Variants in BSCL2 observed in about 807,000 individuals in gnomAD.
BSCL2 encodes the protein seipin.
BSCL2 carries 41 observed loss-of-function variants against 57.4 expected under a neutral mutation model. The ratio of observed to expected loss-of-function variants is 0.71; its 90% CI spans 0.56 to 0.93. The LOEUF is 0.93. Among genes scored for constraint, BSCL2 ranks in the 40% least tolerant of loss-of-function variants. The pLI is 0.00. For synonymous variants in BSCL2, 237 were observed against 227.3 expected (o/e 1.04, Z -0.38); for missense variants, 539 against 586.7 (o/e 0.92, Z 0.84).
At chr11:62,709,088 C>G, upstream of BSCL2, 2 of 480,046 alleles carry the variant, frequency 4.2e-6, no homozygotes, top group Non-Finnish European at 8.0e-6. Flanking sequence ...GCCCGCTTCC[C>G]TCGGTGACCT....
At chr11:62,704,369 TAAAAA>T (rs71056549) in intron 2 of BSCL2, among the ~76,000 whole-genome samples, 1 of 81,746 alleles carries the variant, frequency 1.2e-5, no homozygotes, top group Non-Finnish European at 2.3e-5. Flanking sequence ...CCATCTCTAC[TAAAAA>T]AAAAAAAAAA....
In BSCL2 at chr11:62,700,688, C is replaced by T. The variant is rs570639606; in HGVS notation, c.486+1780G>A. ...AAACTTCAGGCTGGGTGTGGTTGCT[C>T]ACGCATGTAATCCCAGCACTTTTGG... On this transcript the variant is annotated intron_variant, in intron 3 of 10. Coordinates refer to ENST00000360796, the MANE Select transcript of BSCL2 (RefSeq NM_001122955.4). Among the ~76,000 whole-genome samples, 7 of 152,212 alleles carry T rather than the reference C, an allele frequency of 4.6e-5. No individual in the cohort carries two copies. The South Asian group carries it at 8.3e-4, about 18-fold the overall frequency.
chr11:62,693,395 T>C (rs546147364), intron 4 of BSCL2, among the ~76,000 whole-genome samples: 2 of 152,004 alleles, frequency 1.3e-5, no homozygotes, highest in East Asian at 3.9e-4. Context: ...TCCCAGCTAC[T>C]TGAGAGGCTG....
intron 3 of BSCL2, among the ~76,000 whole-genome samples, chr11:62,701,846 A>G (rs1425419268): frequency 1.3e-5 from 2 of 151,294 alleles, no homozygotes; most frequent in African/African-American, 4.9e-5. Context: ...AAAAAAAAAA[A>G]GAAAGAGAGT....
intron 2 of BSCL2, among the ~76,000 whole-genome samples, chr11:62,703,647 G>A (rs541829131): frequency 1.3e-5 from 2 of 151,024 alleles, no homozygotes; most frequent in African/African-American, 2.4e-5. Flanking sequence ...CACCGCGCCC[G>A]GCCGTATATA....
intron 6 of BSCL2, among the ~76,000 whole-genome samples, chr11:62,691,854 T>C (rs1037770283): frequency 7.9e-5 from 12 of 151,976 alleles, no homozygotes; most frequent in African/African-American, 2.9e-4. Flanking sequence ...ATTGAGACCA[T>C]CCTGGCTAAC....
intron 1 of BSCL2, 118 bp downstream of exon 1, chr11:62,706,991 G>A: frequency 1.1e-6 from 1 of 881,784 alleles, no homozygotes; most frequent in Admixed American, 2.3e-5. Context: ...GCGGGCGTGG[G>A]AAGTAATCTA....
At chr11:62,692,966 G>C (rs749537438) in intron 4 of BSCL2, among the ~76,000 whole-genome samples, 169 bp from the exon 5 acceptor site, 52 of 151,936 alleles carry the variant, frequency 3.4e-4, no homozygotes, top group Non-Finnish European at 1.0e-4. Context: ...CATTCCAATT[G>C]CTTGAGTACC....
At chr11:62,701,944 T>TAAGAA (rs1945656166) in intron 3 of BSCL2, among the ~76,000 whole-genome samples, 2 of 152,166 alleles carry the variant, frequency 1.3e-5, no homozygotes, top group Non-Finnish European at 2.9e-5. Context: ...GAAAAATTCT[T>TAAGAA]AAGTTGAATT....
chr11:62,700,638 T>G (rs1288748177), intron 3 of BSCL2, among the ~76,000 whole-genome samples: 1 of 151,344 alleles, frequency 6.6e-6, no homozygotes, highest in Admixed American at 6.6e-5. Context: ...AGAAACTCCG[T>G]CTCAAATAAA....
chr11:62,708,311 C>T (rs765855751), upstream of BSCL2: 1 of 1,611,840 alleles, frequency 6.2e-7, no homozygotes, highest in Non-Finnish European at 8.5e-7. Flanking sequence ...AGGTGAGACC[C>T]CGGTGAACAG....
At position 62,694,567 on chromosome 11, in the gene BSCL2, C is replaced by G; in HGVS notation, c.630+1G>C. ...TTCTCAGACAGGCCACCAACACTTA[C>G]CGAACGCGAAGAAGTGGAGATGATT... On this transcript the variant is annotated splice_donor_variant, in intron 4 of 10. Coordinates refer to ENST00000360796, the MANE Select transcript of BSCL2 (RefSeq NM_001122955.4). LOFTEE classifies it high-confidence loss of function. The G allele has an allele frequency of 6.2e-7, 1 of 1,613,950 alleles. No individual in the cohort carries two copies. Among genetic ancestry groups the G allele is most frequent in the Non-Finnish European group, 8.5e-7 (1 of 1,179,984 alleles).
chr11:62,703,346 CG>C (rs1222459101), intron 2 of BSCL2, among the ~76,000 whole-genome samples: 130 of 125,164 alleles, frequency 1.0e-3, no homozygotes, highest in Middle Eastern at 4.1e-3. Flanking sequence ...CATGCATATA[CG>C]TTTTTTTTTT....
intron 2 of BSCL2, among the ~76,000 whole-genome samples, chr11:62,704,178 G>A (rs1008983919): frequency 2.3e-4 from 35 of 150,994 alleles, no homozygotes; most frequent in African/African-American, 8.0e-4. Context: ...GGGGCACAGT[G>A]GCTCACGTCT....
intron 3 of BSCL2, among the ~76,000 whole-genome samples, chr11:62,701,059 T>G (rs776504674): frequency 8.1e-6 from 1 of 123,980 alleles, no homozygotes; most frequent in Non-Finnish European, 1.8e-5. Flanking sequence ...TTTGTTGACA[T>G]CACACTGGCA....
upstream of BSCL2, chr11:62,707,526 T>C (rs1192653411): frequency 9.7e-6 from 6 of 615,464 alleles, no homozygotes; most frequent in African/African-American, 9.2e-5. Context: ...CTCAGCTCTG[T>C]TGGGGAGGTC....
upstream of BSCL2, chr11:62,708,415 C>T (rs1241716406): frequency 1.3e-6 from 2 of 1,545,096 alleles, no homozygotes; most frequent in Admixed American, 3.3e-5. Flanking sequence ...CCCTGGCTGG[C>T]TCCCATTAGT....
At chr11:62,706,616 C>T in intron 1 of BSCL2, 1 of 471,502 alleles carries the variant, frequency 2.1e-6, no homozygotes, top group Non-Finnish European at 4.4e-6. Flanking sequence ...TGCACACCTT[C>T]ACCACAGGCC....
rs1945308147 is a variant in BSCL2, at chr11:62,691,427, G to A, written c.864-6C>T. 4 of 1,614,028 alleles carry A rather than the reference G, an allele frequency of 2.5e-6. No individual in the cohort carries two copies. Among genetic ancestry groups the A allele is most frequent in the African/African-American group, 1.3e-5 (1 of 74,942 alleles). On this transcript the variant is annotated splice_region_variant and splice_polypyrimidine_tract_variant and intron_variant, in intron 6 of 10. Coordinates refer to ENST00000360796, the MANE Select transcript of BSCL2 (RefSeq NM_001122955.4). ...GGAAGTTGTATAGCAGGTATCTGAGGCAGGAAGTAGGGACAAGAAGGTAGT... is the reference window on the plus strand; with the variant it reads ...GGAAGTTGTATAGCAGGTATCTGAGACAGGAAGTAGGGACAAGAAGGTAGT...
Sources: allele counts gnomAD v4.1 joint callset (sites outside exome capture counted in the v4.1 genomes callset), GRCh38; gene constraint gnomAD v4.1.1; transcripts MANE v1.5; gene names NCBI Gene and HGNC (gene_info 2026-07-23, HGNC 2026-07-21).